ANKFN1: variants seen among roughly 807,000 people sequenced by gnomAD.
ANKFN1 encodes the protein ankyrin repeat and fibronectin type III domain containing 1.
ANKFN1 carries 74 observed loss-of-function variants against 108.7 expected under a neutral mutation model. The observed-to-expected ratio is 0.68, with a 90% confidence interval of 0.56 to 0.83. The LOEUF (loss-of-function observed/expected upper bound fraction) is 0.83, where lower values mean the gene tolerates loss of function less well. Ranked by LOEUF, ANKFN1 falls within the 40% of genes least tolerant of loss-of-function variation. The pLI is 0.00. For missense variants in ANKFN1, 1,505 were observed against 1,382.3 expected (o/e 1.09, Z -1.41); for synonymous variants, 547 against 516.2 (o/e 1.06, Z -0.81).
chr17:56,421,811 T>A (rs193033784), intron 8 of ANKFN1, among the ~76,000 whole-genome samples: 181 of 152,320 alleles, frequency 1.2e-3, no homozygotes, highest in African/African-American at 4.3e-3. Context: ...GAATCATAAT[T>A]TCACTCTGGT....
chr17:56,218,260 T>C (rs1915581669), intron 2 of ANKFN1, among the ~76,000 whole-genome samples: 2 of 141,766 alleles, frequency 1.4e-5, no homozygotes, highest in African/African-American at 5.1e-5. Context: ...TCTGATTCAG[T>C]TCCTCAACAC....
chr17:56,140,350 C>T (rs1907846518), intron 4 of ANKFN1, among the ~76,000 whole-genome samples: 1 of 152,150 alleles, frequency 6.6e-6, no homozygotes, highest in Non-Finnish European at 1.5e-5. Context: ...CATAGTCTTT[C>T]AGCTTGTTTT....
At chr17:56,153,632 G>A (rs766578367) in intron 1 of ANKFN1, 102 bp downstream of exon 1, 26 of 1,477,130 alleles carry the variant, frequency 1.8e-5, no homozygotes, top group South Asian at 1.1e-4. Flanking sequence ...GAGTGAATTC[G>A]GGCGTTAGCT....
intron 4 of ANKFN1, among the ~76,000 whole-genome samples, chr17:56,330,527 C>G (rs977943752): frequency 6.6e-6 from 1 of 152,176 alleles, no homozygotes; most frequent in African/African-American, 2.4e-5. Flanking sequence ...TCGCATACCA[C>G]ACTATTTCAT....
intron 18 of ANKFN1, among the ~76,000 whole-genome samples, chr17:56,490,047 AT>A (rs1384960067): frequency 2.0e-5 from 3 of 152,142 alleles, no homozygotes; most frequent in African/African-American, 4.8e-5. Context: ...CCATTCATGC[AT>A]TTATTTATTT....
intron 4 of ANKFN1, among the ~76,000 whole-genome samples, chr17:56,125,899 G>A (rs1906898174): frequency 6.6e-6 from 1 of 152,230 alleles, no homozygotes; most frequent in African/African-American, 2.4e-5. Flanking sequence ...TGCCAGACAA[G>A]GCTGGGAAGG....
chr17:56,323,870 TA>T (rs1197439946), intron 3 of ANKFN1, among the ~76,000 whole-genome samples: 2 of 152,122 alleles, frequency 1.3e-5, no homozygotes, highest in African/African-American at 4.8e-5. Flanking sequence ...TGACTGATGC[TA>T]AACAATGAAG....
At chr17:56,497,463 A>T (rs1234338606) in intron 19 of ANKFN1, among the ~76,000 whole-genome samples, 2 of 152,130 alleles carry the variant, frequency 1.3e-5, no homozygotes, top group Non-Finnish European at 2.9e-5. Flanking sequence ...AGTTCACTCT[A>T]GCTAGCTTTT....
intron 3 of ANKFN1, among the ~76,000 whole-genome samples, chr17:56,254,498 C>T (rs1156230480): frequency 6.6e-6 from 1 of 152,176 alleles, no homozygotes; most frequent in African/African-American, 2.4e-5. Flanking sequence ...CAGGATGTCC[C>T]AGTATGTCCT....
intron 1 of ANKFN1, among the ~76,000 whole-genome samples, chr17:56,205,171 G>A (rs867463414): frequency 1.1e-4 from 16 of 152,204 alleles, no homozygotes; most frequent in African/African-American, 3.6e-4. Context: ...TGCAGAAGGA[G>A]GCTTGCAAAT....
intron 4 of ANKFN1, among the ~76,000 whole-genome samples, chr17:56,114,504 T>C (rs1047191127): frequency 6.6e-6 from 1 of 152,198 alleles, no homozygotes; most frequent in Non-Finnish European, 1.5e-5. Context: ...GGCAAATATT[T>C]TAGAGCATAA....
chr17:56,146,800 A>G (rs1320584759), intron 4 of ANKFN1, among the ~76,000 whole-genome samples: 1 of 152,038 alleles, frequency 6.6e-6, no homozygotes, highest in East Asian at 1.9e-4. Flanking sequence ...CCCTGGAGAC[A>G]TTTTCCTCGT....
chr17:56,111,754 G>T (rs1312608832), intron 4 of ANKFN1, among the ~76,000 whole-genome samples: 1 of 152,152 alleles, frequency 6.6e-6, no homozygotes, highest in African/African-American at 2.4e-5. Context: ...AAAGTTATTA[G>T]GTAACTAGCT....
chr17:56,166,203 C>T (rs1464741532), intron 1 of ANKFN1, among the ~76,000 whole-genome samples: 5 of 152,190 alleles, frequency 3.3e-5, no homozygotes, highest in Non-Finnish European at 7.4e-5. Flanking sequence ...GAGCTACCTT[C>T]CCTCTCTAGG....
At chr17:56,343,515 T>TTAAC (rs2046015297) in intron 4 of ANKFN1, among the ~76,000 whole-genome samples, 1 of 151,924 alleles carries the variant, frequency 6.6e-6, no homozygotes, top group South Asian at 2.1e-4. Context: ...CTTGCTATCT[T>TTAAC]TAACTTTCTC....
chr17:56,378,459 C>T (rs2047001065), intron 8 of ANKFN1, among the ~76,000 whole-genome samples: 1 of 152,146 alleles, frequency 6.6e-6, no homozygotes, highest in Admixed American at 6.5e-5. Context: ...TTTCCTCCTA[C>T]ACCTTGTAGT....
chr17:56,450,102 G>T (rs575908164), intron 11 of ANKFN1, among the ~76,000 whole-genome samples: 1 of 152,134 alleles, frequency 6.6e-6, no homozygotes, highest in Non-Finnish European at 1.5e-5. Context: ...TCCATTGTGC[G>T]CTGTAGATTT....
chr17:56,140,877 C>T (rs555211530), intron 4 of ANKFN1, among the ~76,000 whole-genome samples: 3 of 152,192 alleles, frequency 2.0e-5, no homozygotes, highest in African/African-American at 2.4e-5. Flanking sequence ...ATTATGTTGT[C>T]GCTTACACTC....
chr17:56,492,100 T>G, intron 18 of ANKFN1, 87 bp from the exon 19 acceptor site: 1 of 648,868 alleles, frequency 1.5e-6, no homozygotes, highest in Non-Finnish European at 2.8e-6. Context: ...AATCATGTTT[T>G]CATTCAACTT....
Sources: gnomAD v4.1 joint callset for allele counts (sites outside exome capture counted in the v4.1 genomes callset) on GRCh38, gnomAD v4.1.1 for gene constraint, MANE v1.5 for transcripts, NCBI Gene and HGNC (gene_info 2026-07-23, HGNC 2026-07-21) for gene names.